Variants in CEP112 observed in about 807,000 individuals in gnomAD.
CEP112 encodes centrosomal protein 112.
CEP112 carries 127 observed loss-of-function variants against 153.0 expected under a neutral mutation model. The ratio of observed to expected loss-of-function variants is 0.83; its 90% CI spans 0.72 to 0.96. The LOEUF (loss-of-function observed/expected upper bound fraction) is 0.96. Ranked by LOEUF, CEP112 falls within the 40% of genes least tolerant of loss-of-function variation. The pLI is 0.00. For missense variants in CEP112, 1,089 were observed against 1,101.2 expected (o/e 0.99, Z 0.16); for synonymous variants, 358 against 374.4 (o/e 0.96, Z 0.51).
chr17:65,999,796 C>T (rs1329169857), intron 17 of CEP112, among the ~76,000 whole-genome samples: 1 of 151,898 alleles, frequency 6.6e-6, no homozygotes, highest in Non-Finnish European at 1.5e-5. Context: ...ATTTAGCTCC[C>T]ACTTATGAGT....
intron 1 of CEP112, among the ~76,000 whole-genome samples, chr17:66,186,024 T>TTCACTCTCTC (rs2072917755): frequency 2.7e-5 from 4 of 146,074 alleles, no homozygotes; most frequent in Non-Finnish European, 6.1e-5. Context: ...ATCTCTCTCA[T>TTCACTCTCTC]TCTCTCTCTC....
chr17:65,646,537 T>C (rs1286244421), intron 24 of CEP112, among the ~76,000 whole-genome samples: 2 of 152,208 alleles, frequency 1.3e-5, no homozygotes, highest in Admixed American at 6.5e-5. Flanking sequence ...CTGAGGACTT[T>C]CTGTGTGCCA....
At chr17:65,745,208 T>G (rs551214138) in intron 22 of CEP112, among the ~76,000 whole-genome samples, 3 of 152,344 alleles carry the variant, frequency 2.0e-5, no homozygotes, top group Non-Finnish European at 4.4e-5. Flanking sequence ...AATCAAATAT[T>G]TAGCCGATTG....
chr17:65,969,973 A>G (rs142734408), intron 17 of CEP112, among the ~76,000 whole-genome samples: 2 of 152,294 alleles, frequency 1.3e-5, no homozygotes, highest in East Asian at 1.9e-4. Context: ...TATGTATAAC[A>G]TGCATATCAC....
At chr17:65,811,633 T>C (rs2145913479) in intron 21 of CEP112, among the ~76,000 whole-genome samples, 2 of 152,270 alleles carry the variant, frequency 1.3e-5, no homozygotes, top group Admixed American at 1.3e-4. Context: ...GCAATTATGA[T>C]TTAGGGTAGG....
chr17:65,974,194 A>G (rs1262014501), intron 17 of CEP112, among the ~76,000 whole-genome samples: 1 of 151,846 alleles, frequency 6.6e-6, no homozygotes, highest in Non-Finnish European at 1.5e-5. Context: ...CTCCCACTTC[A>G]ACCCCCCAAG....
chr17:65,938,386 T>G (rs894849171), intron 18 of CEP112, among the ~76,000 whole-genome samples: 1 of 115,548 alleles, frequency 8.7e-6, no homozygotes, highest in African/African-American at 3.4e-5. Flanking sequence ...CAAATCCCCC[T>G]CTGGGAGAAA....
intron 22 of CEP112, among the ~76,000 whole-genome samples, chr17:65,748,122 T>C (rs1432839984): frequency 6.6e-6 from 1 of 152,238 alleles, no homozygotes; most frequent in Non-Finnish European, 1.5e-5. Context: ...CATGCTTCTC[T>C]GAACTGACTG....
chr17:65,683,001 G>A (rs1342822930), intron 24 of CEP112, among the ~76,000 whole-genome samples: 1 of 152,212 alleles, frequency 6.6e-6, no homozygotes, highest in East Asian at 1.9e-4. Flanking sequence ...CAGAAAGGTT[G>A]AGTGGCTTAC....
intron 21 of CEP112, among the ~76,000 whole-genome samples, chr17:65,832,269 A>G (rs1419162952): frequency 6.6e-6 from 1 of 152,190 alleles, no homozygotes; most frequent in East Asian, 1.9e-4. Flanking sequence ...ACAACCTAAC[A>G]TCACAACTGA....
chr17:65,834,140 C>T (rs558073609), intron 21 of CEP112, among the ~76,000 whole-genome samples: 1 of 152,134 alleles, frequency 6.6e-6, no homozygotes, highest in Non-Finnish European at 1.5e-5. Flanking sequence ...GAATAACTGG[C>T]TAGCCGTATG....
chr17:65,739,722 C>T (rs995916330), intron 23 of CEP112, among the ~76,000 whole-genome samples: 1 of 151,284 alleles, frequency 6.6e-6, no homozygotes. Context: ...GGCAACAGAG[C>T]AAGACTCCAT....
At chr17:65,680,666 C>T (rs889206094) in intron 24 of CEP112, among the ~76,000 whole-genome samples, 3 of 152,214 alleles carry the variant, frequency 2.0e-5, no homozygotes, top group Admixed American at 6.5e-5. Context: ...ATGCGGAGGG[C>T]GGGGAGGTGC....
In CEP112 at chr17:65,739,009, T is replaced by C. The variant is rs138239726; in HGVS notation, c.2607+4059A>G. Among the ~76,000 whole-genome samples the C allele has an allele frequency of 5.0e-3, 759 of 152,354 alleles. 5 individuals are homozygous for C. The highest frequency in any genetic ancestry group is 0.017 in the African/African-American group (723 of 41,580). ...AATGTGGTGGAAGTGACTTTGTGAC[T>C]CTTCCTAGGGCAGGGCTTAATGGAA... On this transcript the variant is annotated intron_variant, in intron 23 of 26. Transcript: ENST00000535342.
chr17:65,915,703 G>A (rs139060482), intron 19 of CEP112, among the ~76,000 whole-genome samples: 2,723 of 148,510 alleles, frequency 0.018, 46 homozygotes, highest in Middle Eastern at 0.076. Flanking sequence ...CAGGAAAATC[G>A]CTTGAACCCA....
chr17:66,061,763 T>G (rs942419530), intron 11 of CEP112, among the ~76,000 whole-genome samples: 1 of 152,112 alleles, frequency 6.6e-6, no homozygotes, highest in South Asian at 2.1e-4. Context: ...AGAGAACAGA[T>G]AGCGATTACA....
chr17:65,681,118 C>A (rs1193711674), intron 24 of CEP112, among the ~76,000 whole-genome samples: 1 of 152,260 alleles, frequency 6.6e-6, no homozygotes, highest in East Asian at 1.9e-4. Context: ...AGGATAGGGG[C>A]TCCGGAAAGC....
chr17:65,885,034 A>G (rs1182366494), intron 20 of CEP112, among the ~76,000 whole-genome samples: 1 of 152,146 alleles, frequency 6.6e-6, no homozygotes, highest in Non-Finnish European at 1.5e-5. Context: ...AGTTTCAAAT[A>G]AAAATCCTAT....
At chr17:65,785,202 A>G (rs1384665405) in intron 21 of CEP112, among the ~76,000 whole-genome samples, 2 of 152,116 alleles carry the variant, frequency 1.3e-5, no homozygotes, top group Non-Finnish European at 2.9e-5. Flanking sequence ...GATATACCAC[A>G]TTTTGTTTAT....
Sources: allele counts gnomAD v4.1 joint callset (sites outside exome capture counted in the v4.1 genomes callset), GRCh38; gene constraint gnomAD v4.1.1; transcripts MANE v1.5; gene names NCBI Gene and HGNC (gene_info 2026-07-23, HGNC 2026-07-21).